The following CACNA1C variants were observed in gnomAD, a reference collection of about 807,000 sequenced individuals.
CACNA1C encodes the protein calcium voltage-gated channel subunit alpha1 C, also known as voltage-dependent L-type calcium channel subunit alpha-1C.
Under a neutral mutation model 229.0 loss-of-function variants are expected in CACNA1C, and 30 were observed. The observed-to-expected ratio is 0.13, with a 90% CI of 0.10 to 0.18. The LOEUF (loss-of-function observed/expected upper bound fraction) is 0.18, where lower values mean the gene tolerates loss of function less well. Ranked by LOEUF, CACNA1C falls within the 10% of genes least tolerant of loss-of-function variation. The probability of loss-of-function intolerance (pLI) is 1.00; values close to 1 mark genes in which losing one functional copy is unlikely to be tolerated. For synonymous variants in CACNA1C, 1,114 were observed against 1,132.5 expected (o/e 0.98, Z 0.33); for missense variants, 1,658 against 2,845.0 (o/e 0.58, Z 9.49).
At chr12:2,064,197 A>G (rs1322919833) in intron 1 of CACNA1C, among the ~76,000 whole-genome samples, 2 of 152,362 alleles carry the variant, frequency 1.3e-5, no homozygotes, top group South Asian at 2.1e-4. Context: ...GTGTCTCTAT[A>G]TCCAGTTCAG....
chr12:2,680,948 T>C (rs2097115424), intron 42 of CACNA1C, among the ~76,000 whole-genome samples: 2 of 152,344 alleles, frequency 1.3e-5, no homozygotes, highest in South Asian at 2.1e-4. Flanking sequence ...GGGCTGGCTT[T>C]GCATAGGAGA....
At chr12:2,364,090 G>T (rs1451520943) in intron 3 of CACNA1C, among the ~76,000 whole-genome samples, 1 of 150,058 alleles carries the variant, frequency 6.7e-6, no homozygotes, top group Non-Finnish European at 1.5e-5. Flanking sequence ...CCCAGCCCCA[G>T]ACCAGCCCCA....
At chr12:2,246,746 C>G (rs916484886) in intron 3 of CACNA1C, among the ~76,000 whole-genome samples, 5 of 152,176 alleles carry the variant, frequency 3.3e-5, no homozygotes, top group African/African-American at 1.2e-4. Context: ...AGCAAGGAAG[C>G]TTTTCTCCTG....
intron 3 of CACNA1C, among the ~76,000 whole-genome samples, chr12:2,238,184 C>T (rs2068247535): frequency 6.6e-6 from 1 of 152,074 alleles, no homozygotes; most frequent in South Asian, 2.1e-4. Flanking sequence ...TTTTTGTTCC[C>T]CTGAGTAACC....
intron 9 of CACNA1C, among the ~76,000 whole-genome samples, chr12:2,517,300 G>A (rs1228691909): frequency 6.6e-6 from 1 of 152,208 alleles, no homozygotes; most frequent in Non-Finnish European, 1.5e-5. Context: ...TGAAGAGTCT[G>A]GCCATCAGGA....
At chr12:2,342,517 G>A (rs528703859) in intron 3 of CACNA1C, among the ~76,000 whole-genome samples, 2 of 152,178 alleles carry the variant, frequency 1.3e-5, no homozygotes, top group African/African-American at 2.4e-5. Context: ...ATGTGACTAT[G>A]CCTAGCACAG....
At chr12:2,253,439 G>T (rs2076313656) in intron 3 of CACNA1C, among the ~76,000 whole-genome samples, 2 of 152,166 alleles carry the variant, frequency 1.3e-5, no homozygotes, top group South Asian at 2.1e-4. Flanking sequence ...CTCCTCCTTG[G>T]TCATTGACTG....
intron 3 of CACNA1C, among the ~76,000 whole-genome samples, chr12:2,177,098 G>A (rs1181243528): frequency 6.6e-6 from 1 of 152,206 alleles, no homozygotes; most frequent in African/African-American, 2.4e-5. Context: ...CCAGCTTGGA[G>A]AGCACTTTTT....
At chr12:1,993,298 G>A in intron 1 of CACNA1C, 1 of 1,614,114 alleles carries the variant, frequency 6.2e-7, no homozygotes, top group Non-Finnish European at 8.5e-7. Flanking sequence ...AAGGGTCCTG[G>A]AGTTGGAAAT....
In CACNA1C at chr12:2,647,967, A is replaced by G. The variant is rs1326404318; in HGVS notation, c.3913-508A>G. 6.6e-6 allele frequency among the ~76,000 whole-genome samples: 1 copy of G among 151,782 alleles called. No individual in the cohort carries two copies. The highest frequency in any genetic ancestry group is 1.5e-5 in the Non-Finnish European group (1 of 67,994). On this transcript the variant is annotated intron_variant, in intron 30 of 46. Transcript: ENST00000399655. This position sits in a 1 kb window ranked among gnomAD's most constrained non-coding sequence, Gnocchi z 4.2. Reference sequence around the variant, plus strand: ...GTATAGTGAGACCCTGTCTCTAAAAAAATTAAAATAAAAAATTTAAATTAG... The same window carrying G: ...GTATAGTGAGACCCTGTCTCTAAAAGAATTAAAATAAAAAATTTAAATTAG...
At chr12:2,484,810 A>G (rs569242174) in intron 5 of CACNA1C, among the ~76,000 whole-genome samples, 1 of 150,798 alleles carries the variant, frequency 6.6e-6, no homozygotes, top group South Asian at 2.1e-4. Flanking sequence ...CTTGCTAATT[A>G]ATGGAATCAT....
At chr12:2,062,680 C>T (rs1441105173) in intron 1 of CACNA1C, among the ~76,000 whole-genome samples, 3 of 152,152 alleles carry the variant, frequency 2.0e-5, no homozygotes, top group Non-Finnish European at 4.4e-5. Flanking sequence ...TCTGCCAGGG[C>T]CCTCCTTGCT....
At chr12:2,548,076 A>G (rs904125181) in intron 9 of CACNA1C, among the ~76,000 whole-genome samples, 7 of 147,214 alleles carry the variant, frequency 4.8e-5, no homozygotes, top group Non-Finnish European at 7.5e-5. Context: ...AAAAAATAAA[A>G]AAAACCTTTG....
intron 1 of CACNA1C, among the ~76,000 whole-genome samples, chr12:2,091,516 T>A (rs1259907785): frequency 6.6e-6 from 1 of 152,190 alleles, no homozygotes; most frequent in Admixed American, 6.5e-5. Flanking sequence ...CTCATGGCCC[T>A]CTCCTCTACC....
chr12:2,498,002 CAA>C (rs1491439507), intron 7 of CACNA1C, among the ~76,000 whole-genome samples: 4 of 149,820 alleles, frequency 2.7e-5, no homozygotes, highest in African/African-American at 1.0e-4. Context: ...CACACACACA[CAA>C]CAGCTATTAA....
intron 3 of CACNA1C, among the ~76,000 whole-genome samples, chr12:2,204,778 C>T (rs2097701810): frequency 9.4e-6 from 1 of 106,040 alleles, no homozygotes; most frequent in African/African-American, 3.5e-5. Context: ...GAATATCACA[C>T]TCTGGGGACT....
intron 3 of CACNA1C, among the ~76,000 whole-genome samples, chr12:2,204,228 T>C (rs1034453169): frequency 2.0e-5 from 3 of 152,102 alleles, no homozygotes; most frequent in African/African-American, 7.2e-5. Flanking sequence ...TTTCATGTGT[T>C]TCTTGGCTGC....
chr12:2,071,546 A>G (rs1370141738), intron 1 of CACNA1C, among the ~76,000 whole-genome samples: 1 of 151,820 alleles, frequency 6.6e-6, no homozygotes, highest in Non-Finnish European at 1.5e-5. Context: ...TTCAAATATT[A>G]TCTCTCCCCT....
At chr12:2,204,262 G>A (rs2097686419) in intron 3 of CACNA1C, among the ~76,000 whole-genome samples, 2 of 152,032 alleles carry the variant, frequency 1.3e-5, no homozygotes. Flanking sequence ...TTTGAGAAGT[G>A]TCTGTTCATG....
Sources: allele counts gnomAD v4.1 joint callset (sites outside exome capture counted in the v4.1 genomes callset), GRCh38; gene constraint gnomAD v4.1.1; non-coding constraint Gnocchi (gnomAD v3.1); transcripts MANE v1.5; gene names NCBI Gene and HGNC (gene_info 2026-07-23, HGNC 2026-07-21).